The following POM121C variants were observed in gnomAD, a reference collection of about 807,000 sequenced individuals.
POM121C encodes the protein nuclear envelope pore membrane protein POM 121C.
In POM121C, 20 loss-of-function variants were observed where a neutral mutation model predicts 66.4. The observed-to-expected ratio is 0.30, with a 90% CI of 0.21 to 0.44. The LOEUF (loss-of-function observed/expected upper bound fraction) is 0.44. POM121C is among the 20% of genes least tolerant of loss of function. POM121C has a pLI of 1.00. For missense variants in POM121C, 580 were observed against 1,225.7 expected (o/e 0.47, Z 7.87); for synonymous variants, 286 against 528.0 (o/e 0.54, Z 6.28).
At chr7:75,479,829 G>C (rs1242595632) in intron 1 of POM121C, among the ~76,000 whole-genome samples, 1 of 152,006 alleles carries the variant, frequency 6.6e-6, no homozygotes, top group Admixed American at 6.6e-5. Context: ...AATTAAAGTT[G>C]CATACTATAA....
At position 75,438,856 on chromosome 7, in the gene POM121C, C is replaced by T. The variant is rs587742531; in HGVS notation, c.308+288G>A. On this transcript the variant is annotated intron_variant, in intron 6 of 14. Transcript: ENST00000615331. ...CATTTAAGTTTCATACTGTCTTATC[C>T]GCTGCACAAACTTTGCAATCCTTCT... is the stretch of plus-strand genomic sequence containing the variant. 5.9e-5 allele frequency among the ~76,000 whole-genome samples: 9 copies of T among 152,244 alleles called. No homozygotes were observed. The East Asian group carries it at 9.6e-4, about 16-fold the overall frequency.
At chr7:75,435,024 C>T (rs1554472905) in intron 7 of POM121C, among the ~76,000 whole-genome samples, 1 of 152,036 alleles carries the variant, frequency 6.6e-6, no homozygotes, top group Non-Finnish European at 1.5e-5. Flanking sequence ...TTAACAATAC[C>T]CAGCAAAATC....
intron 7 of POM121C, among the ~76,000 whole-genome samples, chr7:75,431,908 G>A (rs1244208953): frequency 9.2e-5 from 14 of 152,110 alleles, no homozygotes; most frequent in Non-Finnish European, 2.1e-4. Flanking sequence ...GTGCCAATAC[G>A]GTGCCACTGC....
intron 3 of POM121C, among the ~76,000 whole-genome samples, chr7:75,470,190 G>A (rs1791816659): frequency 9.3e-6 from 1 of 107,302 alleles, no homozygotes; most frequent in Admixed American, 1.1e-4. Flanking sequence ...GAGCCACCAC[G>A]CCCGGCCTTG....
At chr7:75,465,803 G>C (rs1278120523) in intron 3 of POM121C, among the ~76,000 whole-genome samples, 2 of 148,286 alleles carry the variant, frequency 1.3e-5, no homozygotes, top group Admixed American at 1.4e-4. Flanking sequence ...GGATGAGGTG[G>C]GAGGATTGCT....
chr7:75,442,653 C>A (rs1554474263), intron 3 of POM121C: 23 of 1,464,348 alleles, frequency 1.6e-5, no homozygotes, highest in Non-Finnish European at 2.0e-5. Context: ...CGGCCCCGGC[C>A]GTCCCTGACA....
intron 7 of POM121C, among the ~76,000 whole-genome samples, chr7:75,432,260 CTT>C (rs1358023689): frequency 6.6e-6 from 1 of 150,552 alleles, no homozygotes; most frequent in Non-Finnish European, 1.5e-5. Flanking sequence ...TACCGAAAGA[CTT>C]AGACAATTAT....
chr7:75,463,553 G>A (rs1309921538), intron 3 of POM121C, among the ~76,000 whole-genome samples: 1 of 149,888 alleles, frequency 6.7e-6, no homozygotes, highest in African/African-American at 2.5e-5. Context: ...TTCAGAGACC[G>A]CACATGTAAA....
intron 7 of POM121C, among the ~76,000 whole-genome samples, chr7:75,432,142 G>A (rs1470902264): frequency 4.1e-5 from 6 of 144,636 alleles, no homozygotes; most frequent in African/African-American, 1.3e-4. Context: ...CCGAGATCGC[G>A]CCACTACACT....
chr7:75,421,971 T>C lies in POM121C; in HGVS notation c.2281A>G (p.Thr761Ala), dbSNP rs181811680. The change falls in exon 13 of 15, where the codon ACG becomes GCG. Residue 761 changes from threonine (T) to alanine (A), a missense_variant. Physicochemically the swap from Thr to Ala is moderately conservative, Grantham distance 58. Coordinates refer to ENST00000615331, the MANE Select transcript of POM121C (RefSeq NM_001099415.3). ...TIKIVPAHVP[T>A]PIQPTFGGAT... ...CCGCCAAAGGTAGGCTGGATGGGCG[T>C]AGGCACGTGCGCAGGCACGATCTTG... 1.7e-5 allele frequency: 27 copies of C among 1,613,854 alleles called. No homozygotes were observed. Among genetic ancestry groups the C allele is most frequent in the South Asian group, 1.1e-4 (10 of 91,084 alleles).
chr7:75,471,366 G>A (rs1271689140), intron 3 of POM121C, among the ~76,000 whole-genome samples: 16 of 151,876 alleles, frequency 1.1e-4, no homozygotes, highest in Admixed American at 2.6e-4. Context: ...GCACCACCAC[G>A]CCTGGCTAAT....
intron 3 of POM121C, among the ~76,000 whole-genome samples, chr7:75,452,935 G>A (rs1584688388): frequency 6.6e-6 from 1 of 152,266 alleles, no homozygotes; most frequent in Admixed American, 6.5e-5. Flanking sequence ...TGGGGAGGGA[G>A]AGGAGATTCC....
intron 7 of POM121C, among the ~76,000 whole-genome samples, chr7:75,430,474 CAAAA>C (rs1296720355): frequency 4.0e-5 from 6 of 151,650 alleles, no homozygotes; most frequent in South Asian, 2.1e-4. Context: ...AACAAACAAA[CAAAA>C]AAAACTAATT....
chr7:75,471,694 T>C lies in POM121C; in HGVS notation c.-152+3010A>G, dbSNP rs1290975227. 5.3e-5 allele frequency among the ~76,000 whole-genome samples: 8 copies of C among 151,814 alleles called. No individual in the cohort carries two copies. The East Asian group carries it at 7.7e-4, about 15-fold the overall frequency. ...CCCAAGGGAGTGGGAGCACAGTAAG[T>C]AGGGATGAAGATGGCGAAAGCACGA... On this transcript the variant is annotated intron_variant, in intron 3 of 14. Coordinates refer to ENST00000615331, the MANE Select transcript of POM121C (RefSeq NM_001099415.3).
chr7:75,439,061 AAG>A, intron 6 of POM121C, 81 bp downstream of exon 6: 1 of 1,487,742 alleles, frequency 6.7e-7, no homozygotes, highest in Admixed American at 1.9e-5. Flanking sequence ...GCAAAAAACA[AAG>A]AGGAAAATCT....
At chr7:75,432,795 C>G (rs1790235580) in intron 7 of POM121C, among the ~76,000 whole-genome samples, 1 of 152,196 alleles carries the variant, frequency 6.6e-6, no homozygotes, top group Non-Finnish European at 1.5e-5. Flanking sequence ...TGGGTATTAT[C>G]TGTGTTTGCA....
chr7:75,442,981 G>A (rs587738352), intron 3 of POM121C, among the ~76,000 whole-genome samples: 374 of 152,194 alleles, frequency 2.5e-3, no homozygotes, highest in Non-Finnish European at 3.9e-3. Flanking sequence ...TCCCGTGAAA[G>A]GATCGCGTCC....
At chr7:75,468,599 G>A (rs1459627621) in intron 3 of POM121C, among the ~76,000 whole-genome samples, 24 of 152,084 alleles carry the variant, frequency 1.6e-4, no homozygotes, top group African/African-American at 5.6e-4. Context: ...GATTACAGGC[G>A]TGAGCCAACA....
Position 75,418,526 on chromosome 7 carries a change from C to T in POM121C, c.*270G>A. 7.9e-7 allele frequency: 1 copy of T among 1,263,732 alleles called. No homozygotes were observed. The highest frequency in any genetic ancestry group is 1.0e-6 in the Non-Finnish European group (1 of 1,002,516). The allele number at this position is 1,263,732 out of a possible 1,614,324, so 78.3% of individuals were successfully genotyped here. On this transcript the variant is annotated 3_prime_UTR_variant, in exon 15 of 15. Transcript: ENST00000615331. ...GAGTCAGGGCAGCGGACACTATGTA[C>T]AGGTCCTTAGTTCTCCAGCCTCCCC...
Sources: allele counts gnomAD v4.1 joint callset (sites outside exome capture counted in the v4.1 genomes callset), GRCh38; gene constraint gnomAD v4.1.1; transcripts MANE v1.5; gene names NCBI Gene and HGNC (gene_info 2026-07-23, HGNC 2026-07-21).